The following SLC35F4 variants were observed in gnomAD, a reference collection of about 807,000 sequenced individuals.
SLC35F4 encodes chromosome 14 open reading frame 36.
Under a neutral mutation model 44.2 loss-of-function variants are expected in SLC35F4, and 24 were observed. The ratio of observed to expected loss-of-function variants is 0.54; its 90% CI spans 0.39 to 0.76. SLC35F4 has a LOEUF of 0.76. Ranked by LOEUF, SLC35F4 falls within the 30% of genes least tolerant of loss-of-function variation. The pLI is 0.00. For synonymous variants in SLC35F4, 238 were observed against 223.6 expected (o/e 1.06, Z -0.57); for missense variants, 562 against 586.1 (o/e 0.96, Z 0.42).
At chr14:57,798,282 A>G (rs1189349263) in intron 1 of SLC35F4, among the ~76,000 whole-genome samples, 2 of 152,154 alleles carry the variant, frequency 1.3e-5, no homozygotes, top group African/African-American at 4.8e-5. Context: ...CTAAACACCT[A>G]GGTAGGTATC....
intron 1 of SLC35F4, among the ~76,000 whole-genome samples, chr14:57,687,886 A>G (rs768221): frequency 0.62 from 94,409 of 152,110 alleles, 29,486 homozygotes; most frequent in South Asian, 0.72. Flanking sequence ...TGTTTTCAAC[A>G]TATATGAAGA....
chr14:57,704,878 A>G lies in SLC35F4; in HGVS notation c.104-110754T>C, dbSNP rs74441471. Among the ~76,000 whole-genome samples, 547 of 152,302 alleles carry G rather than the reference A, an allele frequency of 3.6e-3. 1 individual carries two copies. Among genetic ancestry groups the G allele is most frequent in the Admixed American group, 5.8e-3 (89 of 15,278 alleles). On this transcript the variant is annotated intron_variant, in intron 1 of 7. Coordinates refer to ENST00000556826, the MANE Select transcript of SLC35F4 (RefSeq NM_001306087.2). ...ACTCAGGCAGAAGCTCACCCTGCAT[A>G]CAAATTGCCCATCAGGGCTTCTTGC...
intron 1 of SLC35F4, among the ~76,000 whole-genome samples, chr14:57,941,489 T>C (rs1296255538): frequency 6.6e-6 from 1 of 152,132 alleles, no homozygotes; most frequent in East Asian, 1.9e-4. Context: ...AATAGGTAAA[T>C]ACATAGATGC....
At chr14:57,908,272 G>C (rs1328052636) in intron 1 of SLC35F4, among the ~76,000 whole-genome samples, 1 of 152,096 alleles carries the variant, frequency 6.6e-6, no homozygotes, top group Non-Finnish European at 1.5e-5. Flanking sequence ...TGTGTCTTTA[G>C]AGTAGAATGA....
chr14:57,702,996 A>T (rs891256617), intron 1 of SLC35F4, among the ~76,000 whole-genome samples: 1 of 152,128 alleles, frequency 6.6e-6, no homozygotes. Flanking sequence ...CATATTCTTT[A>T]TATCAAGCTA....
chr14:57,744,060 A>G (rs2076692470), intron 1 of SLC35F4, among the ~76,000 whole-genome samples: 1 of 152,234 alleles, frequency 6.6e-6, no homozygotes, highest in Non-Finnish European at 1.5e-5. Context: ...TAAATTAGGT[A>G]TTGATGGGAC....
At chr14:57,799,408 T>A (rs1241155187) in intron 1 of SLC35F4, 1 of 152,252 alleles carries the variant, frequency 6.6e-6, no homozygotes, top group Non-Finnish European at 1.5e-5. Flanking sequence ...CCTAGGAGTT[T>A]TACCTGTTCT....
chr14:57,588,592 A>T (rs559707907), intron 3 of SLC35F4, among the ~76,000 whole-genome samples: 1 of 152,280 alleles, frequency 6.6e-6, no homozygotes, highest in East Asian at 1.9e-4. Context: ...GAACCATAAG[A>T]CTTTAAGCCC....
At chr14:57,897,162 G>T (rs1888891458) in intron 1 of SLC35F4, among the ~76,000 whole-genome samples, 1 of 152,132 alleles carries the variant, frequency 6.6e-6, no homozygotes, top group Admixed American at 6.5e-5. Flanking sequence ...GTTGACGTAT[G>T]TACACTTTTA....
chr14:57,924,502 G>A (rs1400746889), intron 1 of SLC35F4, among the ~76,000 whole-genome samples: 2 of 151,672 alleles, frequency 1.3e-5, no homozygotes, highest in South Asian at 4.2e-4. Context: ...AGGCTGGGGT[G>A]CAATGGCGCT....
intron 6 of SLC35F4, among the ~76,000 whole-genome samples, chr14:57,569,106 A>G (rs184139283): frequency 1.8e-4 from 28 of 152,236 alleles, no homozygotes; most frequent in African/African-American, 6.7e-4. Context: ...TTTCTTGGCC[A>G]TTAACTAGGT....
At chr14:57,705,757 C>T (rs1048783852) in intron 1 of SLC35F4, among the ~76,000 whole-genome samples, 5 of 152,186 alleles carry the variant, frequency 3.3e-5, no homozygotes, top group Non-Finnish European at 5.9e-5. Flanking sequence ...GTACACACCT[C>T]TATATATAGT....
At chr14:57,722,383 T>A (rs552267493) in intron 1 of SLC35F4, among the ~76,000 whole-genome samples, 1 of 152,270 alleles carries the variant, frequency 6.6e-6, no homozygotes, top group East Asian at 1.9e-4. Context: ...GTGGAGTGGA[T>A]TAGTCACTTT....
chr14:57,790,457 T>C (rs2077886986), intron 1 of SLC35F4, among the ~76,000 whole-genome samples: 1 of 152,122 alleles, frequency 6.6e-6, no homozygotes, highest in Admixed American at 6.5e-5. Context: ...CAATGAAAAC[T>C]ACAAACCACT....
chr14:57,616,035 A>C (rs961689393), intron 1 of SLC35F4, among the ~76,000 whole-genome samples: 3 of 152,212 alleles, frequency 2.0e-5, no homozygotes, highest in Non-Finnish European at 4.4e-5. Context: ...TCTTACTGCT[A>C]TTCTCTTATG....
At chr14:57,659,367 C>T (rs1330919354) in intron 1 of SLC35F4, among the ~76,000 whole-genome samples, 1 of 152,108 alleles carries the variant, frequency 6.6e-6, no homozygotes, top group Non-Finnish European at 1.5e-5. Context: ...AGGGAAGTGG[C>T]CCTGAGGTCT....
In SLC35F4 at chr14:57,672,987, A is replaced by C. The variant is rs544855622; in HGVS notation, c.104-78863T>G. On this transcript the variant is annotated intron_variant, in intron 1 of 7. Coordinates refer to ENST00000556826, the MANE Select transcript of SLC35F4 (RefSeq NM_001306087.2). ...AATTTAACATTTTATTCAATAAAAA[A>C]ATAAAATTTGCCATAATTAGTCCTC... Among the ~76,000 whole-genome samples the C allele has an allele frequency of 2.0e-5, 3 of 152,208 alleles. No individual in the cohort carries two copies. In the South Asian group the frequency reaches 6.2e-4, roughly 32 times the overall value.
chr14:57,758,001 A>G (rs76659306), intron 1 of SLC35F4, among the ~76,000 whole-genome samples: 2,405 of 129,040 alleles, frequency 0.019, 105 homozygotes, highest in African/African-American at 0.065. Context: ...TTATAGGTTC[A>G]TGTGTGTGTG....
intron 1 of SLC35F4, among the ~76,000 whole-genome samples, chr14:57,668,527 C>G (rs2074398738): frequency 6.6e-6 from 1 of 152,032 alleles, no homozygotes; most frequent in Non-Finnish European, 1.5e-5. Flanking sequence ...AGGAAGGGAT[C>G]CAGTTTCAAC....
Sources: gnomAD v4.1 joint callset for allele counts (sites outside exome capture counted in the v4.1 genomes callset) on GRCh38, gnomAD v4.1.1 for gene constraint, MANE v1.5 for transcripts, NCBI Gene and HGNC (gene_info 2026-07-23, HGNC 2026-07-21) for gene names.